The following DCLK1 variants were observed in gnomAD, a reference collection of about 807,000 sequenced individuals.
The protein encoded by DCLK1 is serine/threonine-protein kinase DCLK1.
A neutral mutation model predicts 86.2 loss-of-function variants in DCLK1; 16 were observed. The ratio of observed to expected loss-of-function variants is 0.19; its 90% CI spans 0.13 to 0.28. DCLK1 has a LOEUF of 0.28. DCLK1 is among the 10% of genes least tolerant of loss of function. The pLI is 1.00. For missense variants in DCLK1, 590 were observed against 940.2 expected, an observed-to-expected ratio of 0.63 and a Z score of 4.87; for synonymous variants, 369 against 370.5, an observed-to-expected ratio of 1.00 and a Z score of 0.05.
chr13:36,126,940 CA>C (rs768802318), intron 1 of DCLK1, among the ~76,000 whole-genome samples: 103 of 152,336 alleles, frequency 6.8e-4, no homozygotes, highest in Non-Finnish European at 1.2e-3. Context: ...CTTGTACCAG[CA>C]ACTCTGTTCC....
At chr13:35,903,130 G>A (rs1162514533) in intron 4 of DCLK1, among the ~76,000 whole-genome samples, 1 of 152,112 alleles carries the variant, frequency 6.6e-6, no homozygotes, top group African/African-American at 2.4e-5. Flanking sequence ...CAAACCTGAA[G>A]TGCTTAATCA....
intron 5 of DCLK1, 99 bp from the exon 6 acceptor site, chr13:35,854,692 CA>C: frequency 1.9e-6 from 2 of 1,035,180 alleles, no homozygotes; most frequent in Non-Finnish European, 2.7e-6. Context: ...TATAGAGAGC[CA>C]TCTACTAGAA....
chr13:35,807,036 T>C (rs1167622617), intron 14 of DCLK1, among the ~76,000 whole-genome samples: 1 of 152,196 alleles, frequency 6.6e-6, no homozygotes, highest in Non-Finnish European at 1.5e-5. Flanking sequence ...CAAAAGATAA[T>C]TATTTCTCAA....
chr13:36,048,797 C>T (rs117654926), intron 3 of DCLK1, among the ~76,000 whole-genome samples: 2,469 of 152,272 alleles, frequency 0.016, 38 homozygotes, highest in Middle Eastern at 0.048. Flanking sequence ...TGCAAGTTTA[C>T]GACTGCCATT....
intron 4 of DCLK1, among the ~76,000 whole-genome samples, chr13:35,914,677 C>T (rs149323820): frequency 0.067 from 10,101 of 150,456 alleles, 399 homozygotes; most frequent in South Asian, 0.14. Flanking sequence ...GATCACACCA[C>T]TGCACTCCAG....
chr13:35,804,005 T>A (rs1425024351), intron 15 of DCLK1, among the ~76,000 whole-genome samples: 1 of 152,218 alleles, frequency 6.6e-6, no homozygotes, highest in African/African-American at 2.4e-5. Flanking sequence ...GATTACAAAG[T>A]TACAATGTTG....
chr13:36,006,279 G>A (rs1331894248), intron 3 of DCLK1, among the ~76,000 whole-genome samples: 2 of 152,206 alleles, frequency 1.3e-5, no homozygotes, highest in South Asian at 2.1e-4. Flanking sequence ...CCAGGCAGCC[G>A]TACCAAGGAG....
At chr13:36,119,684 A>G (rs756361779) in intron 2 of DCLK1, among the ~76,000 whole-genome samples, 6 of 152,188 alleles carry the variant, frequency 3.9e-5, no homozygotes, top group Non-Finnish European at 8.8e-5. Context: ...ACATTCTACA[A>G]GATAACTGAC....
At chr13:35,847,969 C>A in intron 6 of DCLK1, 1 of 985,282 alleles carries the variant, frequency 1.0e-6, no homozygotes, top group Non-Finnish European at 1.2e-6. Context: ...TCACACTGAA[C>A]TTCATACTTT....
In DCLK1 at chr13:36,111,983, A is replaced by T. The variant is rs372579091; in HGVS notation, c.609T>A (p.Ile203=). 12 of 1,614,114 alleles carry T rather than the reference A, an allele frequency of 7.4e-6. No individual in the cohort carries two copies. In the African/African-American group the frequency reaches 1.6e-4, roughly 22 times the overall value. ...AATGAGCCGTTTTCTTGTTCAGCAG[A>T]ATCCTGACAGCTTTCCGTGGCTTCA... ...SGVKPRKAVR[I]LLNKKTAHSF... is the part of the protein sequence containing the mutation. Residue 203 remains isoleucine (I), a synonymous_variant, in exon 3 of 17, where the codon ATT becomes ATA. Coordinates refer to ENST00000360631, the MANE Select transcript of DCLK1 (RefSeq NM_001330071.2).
At chr13:35,900,289 G>A (rs912577899) in intron 4 of DCLK1, among the ~76,000 whole-genome samples, 3 of 146,984 alleles carry the variant, frequency 2.0e-5, no homozygotes, top group Admixed American at 6.9e-5. Flanking sequence ...TGCCCAGGCT[G>A]GAGTGCAGTG....
intron 3 of DCLK1, among the ~76,000 whole-genome samples, chr13:35,948,344 G>A (rs2153133515): frequency 6.6e-6 from 1 of 152,252 alleles, no homozygotes; most frequent in East Asian, 1.9e-4. Flanking sequence ...GCCAGTTGCA[G>A]GCACCCATTC....
At chr13:35,996,279 A>C (rs1178468968) in intron 3 of DCLK1, among the ~76,000 whole-genome samples, 1 of 152,218 alleles carries the variant, frequency 6.6e-6, no homozygotes, top group Non-Finnish European at 1.5e-5. Context: ...AAGGAGAGAT[A>C]GATTAAGGCC....
chr13:35,788,456 A>G (rs41292213), intron 16 of DCLK1, among the ~76,000 whole-genome samples: 16,500 of 152,268 alleles, frequency 0.11, 1,577 homozygotes, highest in African/African-American at 0.25. Context: ...AAAAGGCAGG[A>G]AGTGACACCT....
chr13:35,791,883 G>A (rs2086712994), intron 16 of DCLK1, among the ~76,000 whole-genome samples: 1 of 152,182 alleles, frequency 6.6e-6, no homozygotes, highest in Non-Finnish European at 1.5e-5. Context: ...GAAAACTGTG[G>A]AATCAAATGT....
chr13:35,779,271 C>T (rs555212642), intron 16 of DCLK1, among the ~76,000 whole-genome samples: 71 of 152,214 alleles, frequency 4.7e-4, no homozygotes, highest in Middle Eastern at 3.4e-3. Flanking sequence ...CCACTGCGCC[C>T]GGCCAATTTA....
At chr13:35,982,443 G>C (rs1200538774) in intron 3 of DCLK1, among the ~76,000 whole-genome samples, 2 of 68,008 alleles carry the variant, frequency 2.9e-5, no homozygotes, top group South Asian at 1.6e-3. Context: ...GGGGAGGGAG[G>C]GAGGGAGGGA....
intron 3 of DCLK1, among the ~76,000 whole-genome samples, chr13:35,984,733 T>C (rs1229461789): frequency 6.6e-6 from 1 of 152,188 alleles, no homozygotes; most frequent in African/African-American, 2.4e-5. Context: ...CCCCTTCTTC[T>C]TCAATTTTCT....
At chr13:35,982,427 A>G (rs1879694681) in intron 3 of DCLK1, among the ~76,000 whole-genome samples, 1 of 54,254 alleles carries the variant, frequency 1.8e-5, no homozygotes, top group African/African-American at 6.5e-5. Flanking sequence ...AGAGAGAGAG[A>G]GAGAGGGGGA....
Sources: allele counts gnomAD v4.1 joint callset (sites outside exome capture counted in the v4.1 genomes callset), GRCh38; gene constraint gnomAD v4.1.1; transcripts MANE v1.5; gene names NCBI Gene and HGNC (gene_info 2026-07-23, HGNC 2026-07-21).